The following CPNE4 variants were observed in gnomAD, a reference collection of about 807,000 sequenced individuals.
The protein encoded by CPNE4 is copine 4.
CPNE4 carries 25 observed loss-of-function variants against 67.9 expected under a neutral mutation model. The ratio of observed to expected loss-of-function variants is 0.37; its 90% CI spans 0.27 to 0.51. CPNE4 has a LOEUF of 0.51. Among genes scored for constraint, CPNE4 ranks in the 20% least tolerant of loss-of-function variants. CPNE4 has a pLI of 0.93. For missense variants in CPNE4, 464 were observed against 690.8 expected (o/e 0.67, Z 3.68); for synonymous variants, 242 against 244.9 (o/e 0.99, Z 0.11).
chr3:131,575,153 C>G (rs759230416), intron 9 of CPNE4, 23 bp from the exon 10 acceptor site: 1 of 1,606,184 alleles, frequency 6.2e-7, no homozygotes. Context: ...GGAGAGGAAA[C>G]TGGGTTAATA....
chr3:131,708,960 A>C (rs2081486009), intron 3 of CPNE4, among the ~76,000 whole-genome samples: 1 of 57,090 alleles, frequency 1.8e-5, no homozygotes, highest in African/African-American at 1.1e-4. Context: ...GCATAAAGAT[A>C]TATATATATA....
intron 2 of CPNE4, among the ~76,000 whole-genome samples, chr3:131,774,744 C>A (rs894267609): frequency 6.6e-6 from 1 of 152,124 alleles, no homozygotes. Flanking sequence ...TTTCACTTCC[C>A]TGCCTCTCGT....
At chr3:131,537,498 G>T (rs977782584) in intron 15 of CPNE4, 2 of 170,172 alleles carry the variant, frequency 1.2e-5, no homozygotes, top group African/African-American at 4.8e-5. Context: ...GGCCAGGCTG[G>T]TCTCGAACTC....
intron 3 of CPNE4, 78 bp downstream of exon 3, chr3:131,723,368 T>C: frequency 1.5e-6 from 2 of 1,291,124 alleles, no homozygotes; most frequent in Non-Finnish European, 2.2e-6. Context: ...AAGGATTAGA[T>C]GAAGGAAGAG....
intron 2 of CPNE4, among the ~76,000 whole-genome samples, chr3:131,873,503 C>G (rs777162336): frequency 9.2e-5 from 14 of 152,196 alleles, no homozygotes; most frequent in Non-Finnish European, 7.3e-5. Flanking sequence ...GGCTCTATAA[C>G]TAGATCTTGA....
intron 1 of CPNE4, among the ~76,000 whole-genome samples, chr3:131,961,529 C>T (rs545730590): frequency 3.9e-5 from 6 of 152,114 alleles, no homozygotes; most frequent in Non-Finnish European, 7.4e-5. Flanking sequence ...TTTTCTGTGA[C>T]CCGAATGGTC....
intron 2 of CPNE4, among the ~76,000 whole-genome samples, chr3:131,831,207 C>T (rs1480006582): frequency 1.3e-5 from 2 of 151,956 alleles, no homozygotes; most frequent in Non-Finnish European, 2.9e-5. Context: ...TTTAAAAATT[C>T]AGTTGTCTAT....
intron 3 of CPNE4, among the ~76,000 whole-genome samples, chr3:131,715,196 G>A (rs73220429): frequency 0.025 from 3,730 of 152,242 alleles, 65 homozygotes; most frequent in South Asian, 0.047. Flanking sequence ...TTTGGTTTTC[G>A]GAGGTTGACA....
rs116405087 is a variant in CPNE4, at chr3:131,589,120, T to C, written c.682-1538A>G. 3.3e-3 allele frequency among the ~76,000 whole-genome samples: 508 copies of C among 152,284 alleles called. 2 individuals are homozygous for C. Among genetic ancestry groups the C allele is most frequent in the Middle Eastern group, 0.02 (6 of 294 alleles). On this transcript the variant is annotated intron_variant, in intron 7 of 15. Coordinates refer to ENST00000429747, the MANE Select transcript of CPNE4 (RefSeq NM_130808.3). Reference sequence around the variant, plus strand: ...ATATGTATATATGAAAGGATGTTTATTGGGGAGAATTGGCTCGCACAATTA... The same window carrying C: ...ATATGTATATATGAAAGGATGTTTACTGGGGAGAATTGGCTCGCACAATTA...
Position 131,717,926 on chromosome 3 carries a change from C to A in CPNE4, c.360+5520G>T, listed in dbSNP as rs2081768034. 2.3e-5 allele frequency among the ~76,000 whole-genome samples: 3 copies of A among 131,470 alleles called. No individual in the cohort carries two copies. The Admixed American group carries it at 2.4e-4, about 11-fold the overall frequency. 86.2% of individuals were successfully genotyped at this position (131,470 alleles called of 152,430 possible). ...TCTTTCTTTCTTTCTTTCTTTCTTT[C>A]TTTCTTTCTTTCTTTCTTTTCTTTC... On this transcript the variant is annotated intron_variant, in intron 3 of 15. Coordinates refer to ENST00000429747, the MANE Select transcript of CPNE4 (RefSeq NM_130808.3).
chr3:131,703,886 C>T lies in CPNE4; in HGVS notation c.361-3906G>A, dbSNP rs144333559. Among the ~76,000 whole-genome samples the T allele has an allele frequency of 2.4e-3, 362 of 152,244 alleles. 1 individual carries two copies. Among genetic ancestry groups the T allele is most frequent in the South Asian group, 9.8e-3 (47 of 4,812 alleles). On this transcript the variant is annotated intron_variant, in intron 3 of 15. Transcript: ENST00000429747. ...TAGCTTTAATTTGATAGCCCCAAAA[C>T]ATGCATTATAGAACTTTTATTCCTT...
intron 1 of CPNE4, among the ~76,000 whole-genome samples, chr3:131,995,973 G>C (rs2073280215): frequency 6.6e-6 from 1 of 152,108 alleles, no homozygotes; most frequent in South Asian, 2.1e-4. Context: ...ATGCATCACA[G>C]TTAGGACTCC....
At chr3:131,933,790 CAAA>C (rs764404007) in intron 1 of CPNE4, among the ~76,000 whole-genome samples, 2 of 115,938 alleles carry the variant, frequency 1.7e-5, no homozygotes. Flanking sequence ...ACAGAAAGAC[CAAA>C]AAAAAAAAAA....
intron 2 of CPNE4, among the ~76,000 whole-genome samples, chr3:131,790,248 A>G (rs1307560490): frequency 2.6e-5 from 4 of 152,146 alleles, no homozygotes; most frequent in Non-Finnish European, 5.9e-5. Context: ...TTAATGAAAG[A>G]CTATGCTAAC....
chr3:132,033,418 TG>T, intron 1 of CPNE4, among the ~76,000 whole-genome samples: 1 of 151,784 alleles, frequency 6.6e-6, no homozygotes, highest in Non-Finnish European at 1.5e-5. Context: ...TGTGTGTGTG[TG>T]TGTGTGTGTA....
At chr3:132,033,264 G>C (rs112643893) in intron 1 of CPNE4, among the ~76,000 whole-genome samples, 3,175 of 152,338 alleles carry the variant, frequency 0.021, 48 homozygotes, top group Non-Finnish European at 0.034. Flanking sequence ...CCAGAACAGT[G>C]CTTTTAAAAT....
chr3:131,979,014 G>T (rs1466558398), intron 1 of CPNE4, among the ~76,000 whole-genome samples: 1 of 151,964 alleles, frequency 6.6e-6, no homozygotes, highest in African/African-American at 2.4e-5. Context: ...AGTTCCTTTT[G>T]GAGTTGATTT....
At chr3:131,988,109 C>A (rs1004117355) in intron 1 of CPNE4, among the ~76,000 whole-genome samples, 1 of 152,086 alleles carries the variant, frequency 6.6e-6, no homozygotes, top group Non-Finnish European at 1.5e-5. Context: ...TGCTTGTTCC[C>A]CTTCCCCCAG....
intron 2 of CPNE4, among the ~76,000 whole-genome samples, chr3:131,809,795 G>A (rs115059403): frequency 0.029 from 4,375 of 152,162 alleles, 220 homozygotes; most frequent in African/African-American, 0.098. Flanking sequence ...ATATTTCCAA[G>A]GGGACCAGGC....
Sources: allele counts gnomAD v4.1 joint callset (sites outside exome capture counted in the v4.1 genomes callset), GRCh38; gene constraint gnomAD v4.1.1; transcripts MANE v1.5; gene names NCBI Gene and HGNC (gene_info 2026-07-23, HGNC 2026-07-21).